GLCE: variants seen among roughly 807,000 people sequenced by gnomAD.
GLCE encodes D-glucuronyl C5-epimerase.
A neutral mutation model predicts 47.9 loss-of-function variants in GLCE; 19 were observed. The ratio of observed to expected loss-of-function variants is 0.40; its 90% confidence interval spans 0.28 to 0.58. The LOEUF is 0.58. Ranked by LOEUF, GLCE falls within the 20% of genes least tolerant of loss-of-function variation. The probability of loss-of-function intolerance (pLI) is 0.48; values close to 1 mark genes in which losing one functional copy is unlikely to be tolerated. For synonymous variants in GLCE, 245 were observed against 263.4 expected (o/e 0.93, Z 0.68); for missense variants, 556 against 743.3 (o/e 0.75, Z 2.93).
In GLCE at chr15:69,256,361, A is replaced by G; in HGVS notation, c.555A>G (p.Arg185=). ...MSFEGYNVEV[R]DRVKCISGVE... ...TTGAAGGCTACAATGTGGAAGTCCG[A>G]GACAGAGTCAAGTGCATAAGTGGGG... The change falls in exon 3 of 5, where the codon CGA becomes CGG. Residue 185 remains arginine, a synonymous_variant. Transcript: ENST00000261858. 6.2e-7 allele frequency: 1 copy of G among 1,613,028 alleles called. No individual in the cohort carries two copies. Among genetic ancestry groups the G allele is most frequent in the Non-Finnish European group, 8.5e-7 (1 of 1,179,674 alleles).
intron 1 of GLCE, among the ~76,000 whole-genome samples, chr15:69,209,464 C>A (rs910473541): frequency 2.0e-5 from 3 of 152,088 alleles, no homozygotes. Context: ...ATTGTAGTTA[C>A]AACATCAGTT....
At chr15:69,189,498 A>G (rs2051882362) in intron 1 of GLCE, among the ~76,000 whole-genome samples, 2 of 152,326 alleles carry the variant, frequency 1.3e-5, no homozygotes, top group East Asian at 1.9e-4. Context: ...TAAAACTGCT[A>G]TAAACATAAG....
At chr15:69,207,697 T>A (rs1353442495) in intron 1 of GLCE, among the ~76,000 whole-genome samples, 1 of 152,132 alleles carries the variant, frequency 6.6e-6, no homozygotes. Flanking sequence ...GAATAAAGCT[T>A]CATTAAATAT....
intron 3 of GLCE, 66 bp downstream of exon 3, chr15:69,256,458 G>A: frequency 9.4e-7 from 1 of 1,066,820 alleles, no homozygotes; most frequent in Non-Finnish European, 1.4e-6. Context: ...AGAAAATGTT[G>A]TTAATTATAC....
chr15:69,255,890 G>C lies in GLCE; in HGVS notation c.84G>C (p.Trp28Cys). 1 of 1,613,994 alleles carries C rather than the reference G, an allele frequency of 6.2e-7. No individual in the cohort carries two copies. The highest frequency in any genetic ancestry group is 1.3e-5 in the African/African-American group (1 of 75,004). Reference protein sequence around the residue: ...ALFTLVTVLLWNKCSSDKAIQ... With the variant: ...ALFTLVTVLLCNKCSSDKAIQ... The stretch of plus-strand genomic sequence containing the variant: ...TCACTTTGGTCACAGTACTTTTGTG[G>C]AATAAGTGTTCCAGTGACAAAGCAA... The change falls in exon 3 of 5, where the codon TGG becomes TGC. Residue 28 changes from tryptophan to cysteine, a missense_variant. Transcript: ENST00000261858.
chr15:69,214,708 T>G (rs2052280866), intron 2 of GLCE, among the ~76,000 whole-genome samples: 1 of 152,170 alleles, frequency 6.6e-6, no homozygotes, highest in Non-Finnish European at 1.5e-5. Flanking sequence ...ACTCCAGTTT[T>G]GCACCACAGG....
intron 2 of GLCE, 144 bp from the exon 3 acceptor site, chr15:69,255,650 T>A: frequency 1.9e-6 from 1 of 523,036 alleles, no homozygotes; most frequent in East Asian, 2.9e-5. Flanking sequence ...TGCTGAAAAG[T>A]TTGAGTTTGC....
Position 69,270,848 on chromosome 15 carries a change from T to G in GLCE, c.*1604T>G, listed in dbSNP as rs1365417545. 1 of 152,210 alleles carries G rather than the reference T, an allele frequency of 6.6e-6. No individual in the cohort carries two copies. Among genetic ancestry groups the G allele is most frequent in the Non-Finnish European group, 1.5e-5 (1 of 68,038 alleles). The allele number at this position is 152,210 out of a possible 1,614,324, so 9.4% of individuals were successfully genotyped here. A position where few individuals can be genotyped will look rare whatever the true frequency, so the allele number is the denominator to read the frequency against. On this transcript the variant is annotated 3_prime_UTR_variant, in exon 5 of 5. Transcript: ENST00000261858. ...TGATGTGACCACACTCTTCTTAATT[T>G]TGTTCACAGTAAAAACACTTTTTTG...
chr15:69,220,765 C>T (rs2052367511), intron 2 of GLCE, among the ~76,000 whole-genome samples: 1 of 152,114 alleles, frequency 6.6e-6, no homozygotes. Flanking sequence ...TCTTTTGATG[C>T]ACAACATTTT....
Position 69,269,469 on chromosome 15 carries a change from C to A in GLCE, c.*225C>A. ...TAGAACACAATGTTTAATCAATGGG[C>A]TGAACAAAGATGCTTCACTTTGCCT... On this transcript the variant is annotated 3_prime_UTR_variant, in exon 5 of 5. Transcript: ENST00000261858. 1 of 551,648 alleles carries A rather than the reference C, an allele frequency of 1.8e-6. No individual in the cohort carries two copies. 34.2% of individuals were successfully genotyped at this position (551,648 alleles called of 1,614,324 possible).
intron 1 of GLCE, among the ~76,000 whole-genome samples, chr15:69,204,621 A>G (rs149143555): frequency 5.3e-5 from 8 of 152,220 alleles, no homozygotes; most frequent in Admixed American, 1.3e-4. Flanking sequence ...TTATTATGCA[A>G]TGGAAGCAGA....
At chr15:69,188,033 C>T (rs147574161) in intron 1 of GLCE, among the ~76,000 whole-genome samples, 4 of 152,210 alleles carry the variant, frequency 2.6e-5, no homozygotes, top group African/African-American at 9.6e-5. Context: ...CACTGCACTC[C>T]AGCCTGGGTG....
intron 1 of GLCE, among the ~76,000 whole-genome samples, chr15:69,203,941 A>C (rs1410139500): frequency 6.6e-6 from 1 of 152,142 alleles, no homozygotes; most frequent in East Asian, 1.9e-4. Flanking sequence ...TTTTAAAAAT[A>C]ATACCTAAGG....
rs2053119250 is a variant in GLCE at position 69,268,557 on chromosome 15, A to G, written c.1167A>G (p.Gly389=). The change falls in exon 5 of 5, where the codon GGA becomes GGG. Residue 389 remains glycine, a synonymous_variant. Transcript: ENST00000261858. ...KVVRLIAKGK[G]FLDNITISTT... Reference sequence around the variant, plus strand: ...TTAGGTTGATTGCAAAAGGTAAGGGATTCCTCGACAACATTACCATCTCTA... The same window carrying G: ...TTAGGTTGATTGCAAAAGGTAAGGGGTTCCTCGACAACATTACCATCTCTA... The G allele has an allele frequency of 2.5e-6, 4 of 1,614,164 alleles. No homozygotes were observed. Among genetic ancestry groups the G allele is most frequent in the Non-Finnish European group, 3.4e-6 (4 of 1,180,022 alleles).
chr15:69,226,687 T>A (rs2140397620), intron 2 of GLCE, among the ~76,000 whole-genome samples: 1 of 151,530 alleles, frequency 6.6e-6, no homozygotes, highest in African/African-American at 2.4e-5. Context: ...TCAGGACTTT[T>A]AATATAGATT....
chr15:69,255,740 A>G (rs1165897167), intron 2 of GLCE, 54 bp from the exon 3 acceptor site: 5 of 1,000,642 alleles, frequency 5.0e-6, no homozygotes, highest in East Asian at 2.4e-5. Flanking sequence ...ACTTTATCCT[A>G]TGAAATGCCG....
Position 69,245,708 on chromosome 15 carries a change from C to CTTTGTCA in GLCE, c.-13-10081_-13-10080insCATTTGT, listed in dbSNP as rs980705591. 7.9e-5 allele frequency among the ~76,000 whole-genome samples: 12 copies of CTTTGTCA among 152,006 alleles called. No individual in the cohort carries two copies. In the South Asian group the frequency reaches 2.1e-3, roughly 26 times the overall value. ...CTAAGTTTATGTGATATTCCAAATC[C>CTTTGTCA]TTTGTTGTCATTTCTTTTTCTTTTC... On this transcript the variant is annotated intron_variant, in intron 2 of 4. Coordinates refer to ENST00000261858, the MANE Select transcript of GLCE (RefSeq NM_015554.3).
intron 4 of GLCE, among the ~76,000 whole-genome samples, chr15:69,264,438 A>G (rs1158794199): frequency 3.3e-5 from 5 of 151,986 alleles, no homozygotes. Context: ...TTCTTTATCT[A>G]TACTAGACAC....
intron 1 of GLCE, among the ~76,000 whole-genome samples, chr15:69,202,089 T>G (rs1345273795): frequency 6.6e-6 from 1 of 152,038 alleles, no homozygotes; most frequent in Non-Finnish European, 1.5e-5. Flanking sequence ...CTGGCTATTT[T>G]TTACATCTTC....
Sources: gnomAD v4.1 joint callset for allele counts (sites outside exome capture counted in the v4.1 genomes callset) on GRCh38, gnomAD v4.1.1 for gene constraint, MANE v1.5 for transcripts, NCBI Gene and HGNC (gene_info 2026-07-23, HGNC 2026-07-21) for gene names.